DZIP1: variants seen among roughly 807,000 people sequenced by gnomAD.
The protein encoded by DZIP1 is DAZ interacting zinc finger protein 1.
DZIP1 carries 97 observed loss-of-function variants against 107.6 expected under a neutral mutation model. The observed-to-expected ratio is 0.90, with a 90% CI of 0.77 to 1.07. DZIP1 has a LOEUF of 1.07. Ranked by LOEUF, DZIP1 falls within the 50% of genes least tolerant of loss-of-function variation. The probability of loss-of-function intolerance (pLI) is 0.00; values close to 1 mark genes in which losing one functional copy is unlikely to be tolerated. For synonymous variants in DZIP1, 390 were observed against 386.4 expected, an observed-to-expected ratio of 1.01 and a Z score of -0.11; for missense variants, 1,035 against 1,063.6, an observed-to-expected ratio of 0.97 and a Z score of 0.37.
At position 95,584,820 on chromosome 13, in the gene DZIP1, G is replaced by A. The variant is rs143254972; in HGVS notation, c.2440C>T (p.Pro814Ser). ...GKKSGKEQKEPPPAKNEPHFA... is the reference protein window; with the variant it reads ...GKKSGKEQKESPPAKNEPHFA... ...TGTGGTTCATTTTTCGCAGGTGGAG[G>A]TTCCTTCTGTTCTTTCCCAGATTTT... is the stretch of plus-strand genomic sequence containing the variant. The change falls in exon 22 of 23, where the codon CCT (proline) becomes TCT (serine). Residue 814 changes from proline (P) to serine (S), a missense_variant. Coordinates refer to ENST00000376829, the MANE Select transcript of DZIP1 (RefSeq NM_198968.4). The A allele has an allele frequency of 1.9e-6, 3 of 1,613,948 alleles. No individual in the cohort carries two copies. In the African/African-American group the frequency reaches 4.0e-5, roughly 22 times the overall value.
intron 15 of DZIP1, among the ~76,000 whole-genome samples, chr13:95,597,402 T>C (rs1456682376): frequency 6.6e-6 from 1 of 152,228 alleles, no homozygotes; most frequent in Non-Finnish European, 1.5e-5. Flanking sequence ...ATGATATGTA[T>C]GTAGGAGAGC....
rs1283680698 is a variant in DZIP1, at chr13:95,578,926, C to G, written c.*3308G>C. 6.6e-6 allele frequency: 1 copy of G among 152,160 alleles called. No individual in the cohort carries two copies. The highest frequency in any genetic ancestry group is 6.5e-5 in the Admixed American group (1 of 15,276). 9.4% of individuals were successfully genotyped at this position (152,160 alleles called of 1,614,324 possible). On this transcript the variant is annotated 3_prime_UTR_variant, in exon 23 of 23. Transcript: ENST00000376829. The stretch of plus-strand genomic sequence containing the variant: ...GCACATCCATGTTAAGGGGCTGAGG[C>G]GTCCCTGGCACGGAATGCAGAGCCC...
At chr13:95,589,619 C>A (rs757958657) in intron 18 of DZIP1, among the ~76,000 whole-genome samples, 184 bp downstream of exon 18, 1 of 152,240 alleles carries the variant, frequency 6.6e-6, no homozygotes, top group Non-Finnish European at 1.5e-5. Flanking sequence ...AGAAGGCAGT[C>A]GTCTGCAAGG....
At chr13:95,602,517 T>C (rs373601988) in intron 14 of DZIP1, among the ~76,000 whole-genome samples, 17 of 152,328 alleles carry the variant, frequency 1.1e-4, no homozygotes, top group African/African-American at 4.1e-4. Flanking sequence ...ATCTCTGTCA[T>C]GCAGGAGTGG....
intron 19 of DZIP1, 92 bp downstream of exon 19, chr13:95,589,062 T>A (rs946809004): frequency 9.8e-7 from 1 of 1,016,090 alleles, no homozygotes; most frequent in Non-Finnish European, 1.5e-6. Context: ...TACGGCTTCA[T>A]TCAACCATAA....
intron 15 of DZIP1, among the ~76,000 whole-genome samples, chr13:95,595,857 C>G (rs1271702420): frequency 6.6e-6 from 1 of 152,176 alleles, no homozygotes; most frequent in Non-Finnish European, 1.5e-5. Context: ...GCAAGCGATG[C>G]CTGGAATGAC....
intron 15 of DZIP1, among the ~76,000 whole-genome samples, chr13:95,597,060 C>T (rs1350669206): frequency 6.6e-6 from 1 of 152,170 alleles, no homozygotes; most frequent in South Asian, 2.1e-4. Flanking sequence ...TTTTCTTTTC[C>T]AGTCCAGCCC....
intron 14 of DZIP1, among the ~76,000 whole-genome samples, chr13:95,601,999 T>C (rs1325468137): frequency 1.3e-5 from 2 of 152,060 alleles, no homozygotes; most frequent in African/African-American, 4.8e-5. Context: ...CCATCTCAGA[T>C]GGGGAGCTTT....
At chr13:95,629,388 A>G (rs547713775) in intron 7 of DZIP1, among the ~76,000 whole-genome samples, 6 of 152,262 alleles carry the variant, frequency 3.9e-5, no homozygotes, top group South Asian at 2.1e-4. Context: ...CAAGCACCCA[A>G]TGGGCTGACA....
At chr13:95,608,791 G>A (rs1363993629) in intron 13 of DZIP1, among the ~76,000 whole-genome samples, 1 of 152,142 alleles carries the variant, frequency 6.6e-6, no homozygotes, top group Non-Finnish European at 1.5e-5. Context: ...CAGTGCTCTC[G>A]CAATCCCTGG....
intron 5 of DZIP1, among the ~76,000 whole-genome samples, chr13:95,639,563 C>T (rs893359778): frequency 5.5e-5 from 8 of 146,690 alleles, no homozygotes; most frequent in Admixed American, 3.5e-4. Context: ...TGCACGCCAG[C>T]CTGGGCGACA....
At chr13:95,629,902 A>T in intron 7 of DZIP1, 87 bp downstream of exon 7, 2 of 1,383,080 alleles carry the variant, frequency 1.4e-6, no homozygotes, top group Non-Finnish European at 1.9e-6. Flanking sequence ...CAAACTCTTA[A>T]GTGTCCTCTG....
rs1348165310 is a variant in DZIP1, at chr13:95,584,875, T to C, written c.2385A>G (p.Ser795=). 1 of 1,614,068 alleles carries C rather than the reference T, an allele frequency of 6.2e-7. No homozygotes were observed. Among genetic ancestry groups the C allele is most frequent in the Admixed American group, 1.7e-5 (1 of 60,020 alleles). ...ADVEDEDWDI[S]SLEEEISLGK... The stretch of plus-strand genomic sequence containing the variant: ...CCAAAGATATCTCTTCCTCTAGGGA[T>C]GATATGTCCCAGTCTTCATCCTCCA... The change falls in exon 22 of 23, where the codon TCA becomes TCG. Residue 795 remains serine (S), a synonymous_variant. Coordinates refer to ENST00000376829, the MANE Select transcript of DZIP1 (RefSeq NM_198968.4).
intron 14 of DZIP1, among the ~76,000 whole-genome samples, chr13:95,599,971 G>A (rs544366140): frequency 6.8e-4 from 103 of 152,272 alleles, no homozygotes; most frequent in Non-Finnish European, 1.2e-3. Flanking sequence ...TGCATTTCAC[G>A]ACCTAGTTCT....
intron 7 of DZIP1, among the ~76,000 whole-genome samples, chr13:95,627,841 T>G (rs1400883160): frequency 6.6e-6 from 1 of 152,178 alleles, no homozygotes; most frequent in Non-Finnish European, 1.5e-5. Context: ...CATGAATGTT[T>G]ATAGTAGCAT....
intron 15 of DZIP1, among the ~76,000 whole-genome samples, chr13:95,596,644 C>T (rs1461672004): frequency 3.3e-5 from 5 of 152,294 alleles, no homozygotes; most frequent in East Asian, 1.9e-4. Flanking sequence ...GAAGCAGGCT[C>T]TTAATCCCCC....
chr13:95,625,888 C>A (rs1876484452), intron 7 of DZIP1, among the ~76,000 whole-genome samples: 2 of 151,858 alleles, frequency 1.3e-5, no homozygotes. Context: ...TTTGGGAGGC[C>A]ACGGTGGAAC....
intron 5 of DZIP1, among the ~76,000 whole-genome samples, chr13:95,634,439 A>C (rs1025406685): frequency 3.6e-5 from 5 of 138,110 alleles, no homozygotes; most frequent in Admixed American, 2.2e-4. Context: ...TTTAGAATAT[A>C]GATTTCTGAG....
chr13:95,638,181 C>T (rs963790648), intron 5 of DZIP1, among the ~76,000 whole-genome samples: 1 of 150,174 alleles, frequency 6.7e-6, no homozygotes, highest in Non-Finnish European at 1.5e-5. Context: ...CCTCCACCTC[C>T]TGGGTTTAAG....
Sources: gnomAD v4.1 joint callset for allele counts (sites outside exome capture counted in the v4.1 genomes callset) on GRCh38, gnomAD v4.1.1 for gene constraint, MANE v1.5 for transcripts, NCBI Gene and HGNC (gene_info 2026-07-23, HGNC 2026-07-21) for gene names.